The following SCUBE3 variants were observed in gnomAD, a reference collection of about 807,000 sequenced individuals.
The protein encoded by SCUBE3 is signal peptide, CUB domain and EGF like domain containing 3, also known as signal peptide, CUB and EGF-like domain-containing protein 3.
Under a neutral mutation model 116.8 loss-of-function variants are expected in SCUBE3, and 33 were observed. The ratio of observed to expected loss-of-function variants is 0.28; its 90% CI spans 0.21 to 0.38. SCUBE3 has a LOEUF of 0.38. Among genes scored for constraint, SCUBE3 ranks in the 10% least tolerant of loss-of-function variants. The pLI is 1.00. For synonymous variants in SCUBE3, 418 were observed against 496.9 expected (o/e 0.84, Z 2.11); for missense variants, 1,007 against 1,324.8 (o/e 0.76, Z 3.72).
chr6:35,243,219 G>A lies in SCUBE3; in HGVS notation c.1892G>A (p.Arg631His), dbSNP rs373802053. 11 of 1,613,770 alleles carry A rather than the reference G, an allele frequency of 6.8e-6. No homozygotes were observed. Among genetic ancestry groups the A allele is most frequent in the East Asian group, 4.5e-5 (2 of 44,888 alleles). ...GAGTCCTGTAGGCCCGGGCAGCACC[G>A]TGCTGGGACCAAGTGTGGTAAGGGA... ...PMESCRPGQH[R>H]AGTKCVSCPQ... The change falls in exon 15 of 22, where the codon CGT becomes CAT. Residue 631 changes from arginine (R) to histidine (H), a missense_variant. Physicochemically the swap from Arg to His is conservative, Grantham distance 29. Transcript: ENST00000274938. This position sits in a 1 kb window ranked among gnomAD's most constrained non-coding sequence, Gnocchi z 6.6.
chr6:35,225,499 G>A (rs1562044169), intron 1 of SCUBE3, among the ~76,000 whole-genome samples: 1 of 152,180 alleles, frequency 6.6e-6, no homozygotes, highest in Non-Finnish European at 1.5e-5. Context: ...GACTTCCCAG[G>A]ATGGGCCAGC....
Position 35,239,742 on chromosome 6 carries a change from CCTT to C in SCUBE3, c.830-5_830-3del, listed in dbSNP as rs761474379. ...AGTATCTTTTATCCTGTTTTGTCCT[CCTT>C]CTTCAGATATAGATGAGTGCCGCTT... On this transcript the variant is annotated splice_region_variant and splice_polypyrimidine_tract_variant and intron_variant, in intron 7 of 21. Transcript: ENST00000274938. This position sits in a 1 kb window ranked among gnomAD's most constrained non-coding sequence, Gnocchi z 4.1. 4.2e-5 allele frequency: 67 copies of C among 1,610,432 alleles called. No homozygotes were observed. The highest frequency in any genetic ancestry group is 5.3e-5 in the Non-Finnish European group (63 of 1,178,682).
intron 21 of SCUBE3, among the ~76,000 whole-genome samples, chr6:35,246,965 G>A (rs1481962007): frequency 6.6e-6 from 1 of 152,106 alleles, no homozygotes; most frequent in Non-Finnish European, 1.5e-5. Context: ...GGTGACAAGA[G>A]TGAACCCTGT....
chr6:35,235,065 G>A lies in SCUBE3; in HGVS notation c.712+1764G>A, dbSNP rs562442581. On this transcript the variant is annotated intron_variant, in intron 6 of 21. Coordinates refer to ENST00000274938, the MANE Select transcript of SCUBE3 (RefSeq NM_152753.4). This position sits in a 1 kb window ranked among gnomAD's most constrained non-coding sequence, Gnocchi z 4.5. The stretch of plus-strand genomic sequence containing the variant: ...TGGGGCCGTCAGGACATTCAGATTC[G>A]GTGGGAAGACTGAGAAGGCAGTATA... Among the ~76,000 whole-genome samples, 3 of 152,306 alleles carry A rather than the reference G, an allele frequency of 2.0e-5. No homozygotes were observed. The highest frequency in any genetic ancestry group is 4.8e-5 in the African/African-American group (2 of 41,560).
chr6:35,230,340 G>A (rs73407664), intron 3 of SCUBE3, among the ~76,000 whole-genome samples: 7,202 of 152,186 alleles, frequency 0.047, 386 homozygotes, highest in African/African-American at 0.14. Flanking sequence ...TAAGTGTTTT[G>A]GGGAGAACCA....
At chr6:35,216,688 A>C (rs185744127) in intron 1 of SCUBE3, among the ~76,000 whole-genome samples, 1 of 152,224 alleles carries the variant, frequency 6.6e-6, no homozygotes, top group Non-Finnish European at 1.5e-5. Context: ...CCTGGTTATC[A>C]GCAGTGCCAG....
At position 35,214,447 on chromosome 6, in the gene SCUBE3, G is replaced by A; in HGVS notation, c.29G>A (p.Cys10Tyr). The change falls in exon 1 of 22, where the codon TGC (cysteine) becomes TAC (tyrosine). Residue 10 changes from cysteine to tyrosine, a missense_variant. Transcript: ENST00000274938. This position sits in a 1 kb window ranked among gnomAD's most constrained non-coding sequence, Gnocchi z 6.3. ...GGCTCGGGGCGCGTACCCGGGCTCT[G>A]CCTGCTTGTCCTGCTGGTCCACGCC... The part of the protein sequence containing the change: MGSGRVPGL[C>Y]LLVLLVHARA... The A allele has an allele frequency of 6.7e-7, 1 of 1,500,982 alleles. No homozygotes were observed. The highest frequency in any genetic ancestry group is 8.9e-7 in the Non-Finnish European group (1 of 1,129,632). The allele number at this position is 1,500,982 out of a possible 1,614,324, so 93.0% of individuals were successfully genotyped here. A position where few individuals can be genotyped will look rare whatever the true frequency, so the allele number is the denominator to read the frequency against.
Position 35,231,972 on chromosome 6 carries a change from T to C in SCUBE3, c.469+113T>C, listed in dbSNP as rs1204532617. The C allele has an allele frequency of 3.3e-6, 3 of 916,946 alleles. No homozygotes were observed. The highest frequency in any genetic ancestry group is 1.8e-5 in the South Asian group (1 of 55,938). 56.8% of individuals were successfully genotyped at this position (916,946 alleles called of 1,614,324 possible). On this transcript the variant is annotated intron_variant, in intron 4 of 21. Coordinates refer to ENST00000274938, the MANE Select transcript of SCUBE3 (RefSeq NM_152753.4). This position sits in a 1 kb window ranked among gnomAD's most constrained non-coding sequence, Gnocchi z 4.2. ...TCCATTCTCAACTCAGCTAGCTCCT[T>C]CTTCTCTTGTCCTTCAACTCAATCA...
Position 35,227,690 on chromosome 6 carries a change from A to G in SCUBE3, c.196A>G (p.Lys66Glu), listed in dbSNP as rs766251864. 1 of 1,614,050 alleles carries G rather than the reference A, an allele frequency of 6.2e-7. No individual in the cohort carries two copies. Among genetic ancestry groups the G allele is most frequent in the African/African-American group, 1.3e-5 (1 of 74,928 alleles). Residue 66 changes from lysine (K) to glutamate (E), a missense_variant, in exon 2 of 22, where the codon AAA (lysine) becomes GAA (glutamate). This residue lies in a region of SCUBE3 where 94 missense variants were observed against 92.0 expected (regional missense o/e 1.02). Coordinates refer to ENST00000274938, the MANE Select transcript of SCUBE3 (RefSeq NM_152753.4). Reference protein sequence around the residue: ...ICKSGYTGDGKHCKDVDECER... With the variant: ...ICKSGYTGDGEHCKDVDECER... ...CAAGTCTGGCTACACAGGGGACGGCAAACACTGCAAAGGTGAGGCTGGAAG... is the reference window on the plus strand; with the variant it reads ...CAAGTCTGGCTACACAGGGGACGGCGAACACTGCAAAGGTGAGGCTGGAAG...
Position 35,241,058 on chromosome 6 carries a change from C to A in SCUBE3, c.1070-83C>A. The A allele has an allele frequency of 7.3e-7, 1 of 1,379,120 alleles. No homozygotes were observed. Among genetic ancestry groups the A allele is most frequent in the South Asian group, 1.4e-5 (1 of 73,262 alleles). 85.4% of individuals were successfully genotyped at this position (1,379,120 alleles called of 1,614,324 possible). Reference sequence around the variant, plus strand: ...AATGCAGGGTACCTGAAACTCTAACCAAAGGCCCTCACTCACTGCCTACTC... The same window carrying A: ...AATGCAGGGTACCTGAAACTCTAACAAAAGGCCCTCACTCACTGCCTACTC... On this transcript the variant is annotated intron_variant, in intron 9 of 21. Transcript: ENST00000274938. This position sits in a 1 kb window ranked among gnomAD's most constrained non-coding sequence, Gnocchi z 4.1.
chr6:35,233,300 C>A lies in SCUBE3; in HGVS notation c.711C>A (p.Ile237=). ...FVLHTDGKTC[I]ETCAVNNGGC... is the part of the protein sequence containing the mutation. ...TCCATACCGACGGGAAGACATGCATCGGTGGGTGAGGCCAGGGGAGAACTC... is the reference window on the plus strand; with the variant it reads ...TCCATACCGACGGGAAGACATGCATAGGTGGGTGAGGCCAGGGGAGAACTC... The change falls in exon 6 of 22, where the codon ATC becomes ATA. Residue 237 remains isoleucine, a splice_region_variant and synonymous_variant. Transcript: ENST00000274938. This position sits in a 1 kb window ranked among gnomAD's most constrained non-coding sequence, Gnocchi z 5.7. 7.7e-7 allele frequency: 1 copy of A among 1,293,746 alleles called. No homozygotes were observed. Among genetic ancestry groups the A allele is most frequent in the Non-Finnish European group, 1.1e-6 (1 of 928,106 alleles). The allele number at this position is 1,293,746 out of a possible 1,614,324, so 80.1% of individuals were successfully genotyped here. A position where few individuals can be genotyped will look rare whatever the true frequency, so the allele number is the denominator to read the frequency against.
At chr6:35,218,881 T>C (rs1581907531) in intron 1 of SCUBE3, among the ~76,000 whole-genome samples, 2 of 152,262 alleles carry the variant, frequency 1.3e-5, no homozygotes, top group East Asian at 1.9e-4. Flanking sequence ...TTTAGACAAA[T>C]GCAGAGCCTA....
At position 35,250,068 on chromosome 6, in the gene SCUBE3, A is replaced by T. The variant is rs1390676741; in HGVS notation, c.*1363A>T. On this transcript the variant is annotated 3_prime_UTR_variant, in exon 22 of 22. Coordinates refer to ENST00000274938, the MANE Select transcript of SCUBE3 (RefSeq NM_152753.4). ...TGAACCTTGAGTGCTGGAGCATCTG[A>T]TCTGTCTCTATGCCACCACTGGCCA... 1.3e-5 allele frequency: 2 copies of T among 152,586 alleles called. No individual in the cohort carries two copies. Among genetic ancestry groups the T allele is most frequent in the Admixed American group, 1.3e-4 (2 of 15,274 alleles). 9.5% of individuals were successfully genotyped at this position (152,586 alleles called of 1,614,324 possible).
rs1783535794 is a variant in SCUBE3, at chr6:35,231,184, C to T, written c.335-541C>T. The stretch of plus-strand genomic sequence containing the variant: ...AGGAAGGACAGGGCTGTGGCCTGTC[C>T]ACAGAAATGGTCCCTGCTCCACAAG... On this transcript the variant is annotated intron_variant, in intron 3 of 21. Transcript: ENST00000274938. This position sits in a 1 kb window ranked among gnomAD's most constrained non-coding sequence, Gnocchi z 4.2. Among the ~76,000 whole-genome samples, 1 of 152,102 alleles carries T rather than the reference C, an allele frequency of 6.6e-6. No homozygotes were observed.
At chr6:35,221,769 A>G (rs1365432910) in intron 1 of SCUBE3, 1 of 152,212 alleles carries the variant, frequency 6.6e-6, no homozygotes, top group Non-Finnish European at 1.5e-5. Flanking sequence ...ATACACATGA[A>G]CTAAAAGTTA....
At chr6:35,220,099 C>CT (rs528653956) in intron 1 of SCUBE3, among the ~76,000 whole-genome samples, 201 of 152,352 alleles carry the variant, frequency 1.3e-3, no homozygotes, top group Non-Finnish European at 2.2e-3. Flanking sequence ...CGGTTATATA[C>CT]TGGATGCATG....
intron 1 of SCUBE3, chr6:35,222,596 C>T (rs1182644291): frequency 6.6e-6 from 1 of 152,290 alleles, no homozygotes; most frequent in Non-Finnish European, 1.5e-5. Flanking sequence ...TCCCCCACCT[C>T]AACTTTGGTT....
chr6:35,248,563 A>T lies in SCUBE3; in HGVS notation c.2840A>T (p.Lys947Met). The change falls in exon 22 of 22, where the codon AAG becomes ATG. Residue 947 changes from lysine (K) to methionine (M), a missense_variant. Physicochemically the swap from Lys to Met is moderately conservative, Grantham distance 95. This residue lies in a region of SCUBE3 where 118 missense variants were observed against 196.6 expected (regional missense o/e 0.60). Coordinates refer to ENST00000274938, the MANE Select transcript of SCUBE3 (RefSeq NM_152753.4). ...CCCTGCCATCCTTTGCAGGACAAGA[A>T]GCTCATCAAGGCCTTCTTTGAGGTG... ...ENHQEILKDK[K>M]LIKAFFEVLA... 1.2e-6 allele frequency: 2 copies of T among 1,614,090 alleles called. No individual in the cohort carries two copies. The highest frequency in any genetic ancestry group is 1.7e-6 in the Non-Finnish European group (2 of 1,179,990).
chr6:35,236,289 G>A (rs557935230), intron 6 of SCUBE3, among the ~76,000 whole-genome samples: 10 of 152,160 alleles, frequency 6.6e-5, no homozygotes, highest in Non-Finnish European at 1.2e-4. Flanking sequence ...CTGCACAGGT[G>A]GGCGGCTATG....
Sources: gnomAD v4.1 joint callset for allele counts (sites outside exome capture counted in the v4.1 genomes callset) on GRCh38, gnomAD v4.1.1 for gene constraint, gnomAD v4.1.1 regional missense constraint, Gnocchi (gnomAD v3.1) non-coding constraint, MANE v1.5 for transcripts, NCBI Gene and HGNC (gene_info 2026-07-23, HGNC 2026-07-21) for gene names.